The following SCHIP1 variants were observed in gnomAD, a reference collection of about 807,000 sequenced individuals.
The protein encoded by SCHIP1 is schwannomin interacting protein 1, also known as schwannomin-interacting protein 1.
Under a neutral mutation model 29.7 loss-of-function variants are expected in SCHIP1, and 8 were observed. That is an observed-to-expected ratio of 0.27 (90% confidence interval 0.16 to 0.49). SCHIP1 has a LOEUF of 0.49. Ranked by LOEUF, SCHIP1 falls within the 20% of genes least tolerant of loss-of-function variation. SCHIP1 has a pLI of 0.99. For missense variants in SCHIP1, 193 were observed against 294.6 expected, an observed-to-expected ratio of 0.66 and a Z score of 2.52; for synonymous variants, 76 against 94.9, an observed-to-expected ratio of 0.80 and a Z score of 1.16.
the SCHIP1 span, among the ~76,000 whole-genome samples, chr3:159,588,316 GT>G: frequency 4.7e-5 from 7 of 150,354 alleles, no homozygotes; most frequent in East Asian, 2.0e-4. Context: ...GAATGAGGTT[GT>G]TTTTTTTCTT....
chr3:159,324,144 A>AT, the SCHIP1 span, among the ~76,000 whole-genome samples: 1 of 152,140 alleles, frequency 6.6e-6, no homozygotes, highest in African/African-American at 2.4e-5. Flanking sequence ...TCAGAGCTGC[A>AT]TTTTTATATA....
At chr3:159,692,709 G>C in the SCHIP1 span, among the ~76,000 whole-genome samples, 2 of 152,114 alleles carry the variant, frequency 1.3e-5, no homozygotes, top group African/African-American at 4.8e-5. Flanking sequence ...GGTTCTCACT[G>C]TTCTGTTTGT....
chr3:159,289,169 C>G, the SCHIP1 span, among the ~76,000 whole-genome samples: 1 of 152,202 alleles, frequency 6.6e-6, no homozygotes, highest in Non-Finnish European at 1.5e-5. Context: ...ACCATAGCCT[C>G]CTACACTGAG....
chr3:159,671,386 TG>T, the SCHIP1 span, among the ~76,000 whole-genome samples: 3 of 152,164 alleles, frequency 2.0e-5, no homozygotes, highest in Non-Finnish European at 4.4e-5. Flanking sequence ...TTCTTCTTTC[TG>T]GTCACCTTTG....
In SCHIP1 at chr3:159,851,276, C is replaced by A. The variant is rs373135415; in HGVS notation, c.30+11062C>A. Reference sequence around the variant, plus strand: ...TTGCACTCCAGCCTGGGCAACAGAGCAAGAACCTGTCTAAATAAATAAATA... The same window carrying A: ...TTGCACTCCAGCCTGGGCAACAGAGAAAGAACCTGTCTAAATAAATAAATA... On this transcript the variant is annotated intron_variant, in intron 1 of 6. Coordinates refer to ENST00000445224, the Ensembl canonical transcript of SCHIP1. Among the ~76,000 whole-genome samples, 6 of 152,254 alleles carry A rather than the reference C, an allele frequency of 3.9e-5. No homozygotes were observed. The East Asian group carries it at 7.7e-4, about 20-fold the overall frequency.
chr3:159,307,691 T>C, the SCHIP1 span, among the ~76,000 whole-genome samples: 1 of 152,130 alleles, frequency 6.6e-6, no homozygotes, highest in African/African-American at 2.4e-5. Flanking sequence ...TCTTCCAGGA[T>C]TTTTATAGTT....
At chr3:159,845,173 T>C (rs2109052681) in intron 1 of SCHIP1, among the ~76,000 whole-genome samples, 1 of 152,314 alleles carries the variant, frequency 6.6e-6, no homozygotes, top group East Asian at 1.9e-4. Context: ...CAGGCTGAGA[T>C]GTCTCCTACC....
chr3:159,659,878 A>T, the SCHIP1 span, among the ~76,000 whole-genome samples: 1 of 152,184 alleles, frequency 6.6e-6, no homozygotes, highest in Non-Finnish European at 1.5e-5. Flanking sequence ...TTAAAGCGTG[A>T]AAAATAGGGG....
the SCHIP1 span, among the ~76,000 whole-genome samples, chr3:159,725,287 T>TA: frequency 6.7e-6 from 1 of 150,118 alleles, no homozygotes; most frequent in Non-Finnish European, 1.5e-5. Context: ...TTTTTTTTTT[T>TA]AAGACAGAAT....
intron 2 of SCHIP1, among the ~76,000 whole-genome samples, chr3:159,884,596 T>G (rs1716785738): frequency 6.6e-6 from 1 of 152,144 alleles, no homozygotes; most frequent in Non-Finnish European, 1.5e-5. Flanking sequence ...TGTTTAGACT[T>G]TCAGTAAATA....
At chr3:159,759,820 G>A in the SCHIP1 span, among the ~76,000 whole-genome samples, 1 of 152,068 alleles carries the variant, frequency 6.6e-6, no homozygotes, top group Non-Finnish European at 1.5e-5. Context: ...TCAGCATCGG[G>A]GCTAATAATA....
At chr3:159,768,433 C>T in the SCHIP1 span, 1 of 152,198 alleles carries the variant, frequency 6.6e-6, no homozygotes, top group Non-Finnish European at 1.5e-5. Flanking sequence ...TTTCCTTCCT[C>T]TTAGTTGTGG....
the SCHIP1 span, among the ~76,000 whole-genome samples, chr3:159,388,044 A>G: frequency 2.6e-5 from 4 of 152,230 alleles, no homozygotes; most frequent in African/African-American, 4.8e-5. Context: ...CTAGGCTTGA[A>G]GTAAAGAACA....
chr3:159,760,330 G>A, the SCHIP1 span, among the ~76,000 whole-genome samples: 3 of 152,178 alleles, frequency 2.0e-5, no homozygotes, highest in South Asian at 2.1e-4. Context: ...CTAGTTTGAA[G>A]TAGCTGCAAG....
At chr3:159,518,565 T>A in the SCHIP1 span, among the ~76,000 whole-genome samples, 1 of 152,142 alleles carries the variant, frequency 6.6e-6, no homozygotes, top group South Asian at 2.1e-4. Flanking sequence ...AAAGCTGGCA[T>A]GGAGTGACTG....
At chr3:159,674,086 A>G in the SCHIP1 span, among the ~76,000 whole-genome samples, 1 of 152,168 alleles carries the variant, frequency 6.6e-6, no homozygotes, top group African/African-American at 2.4e-5. Context: ...CTTCAAAGTT[A>G]TTTCCAAATA....
At chr3:159,562,666 T>C in the SCHIP1 span, among the ~76,000 whole-genome samples, 1 of 152,156 alleles carries the variant, frequency 6.6e-6, no homozygotes. Context: ...AGGAGGGACT[T>C]CCATAAAGTT....
At chr3:159,809,434 G>A in the SCHIP1 span, among the ~76,000 whole-genome samples, 1 of 152,064 alleles carries the variant, frequency 6.6e-6, no homozygotes, top group African/African-American at 2.4e-5. Context: ...TGTGAATAGT[G>A]CCACAATAAA....
At chr3:159,604,072 AC>A in the SCHIP1 span, among the ~76,000 whole-genome samples, 5 of 152,274 alleles carry the variant, frequency 3.3e-5, no homozygotes, top group African/African-American at 1.2e-4. Flanking sequence ...CAATACATGA[AC>A]TTTTGGGGGA....
Sources: allele counts gnomAD v4.1 joint callset (sites outside exome capture counted in the v4.1 genomes callset), GRCh38; gene constraint gnomAD v4.1.1; transcripts MANE v1.5; gene names NCBI Gene and HGNC (gene_info 2026-07-23, HGNC 2026-07-21).